UGCG: variants seen among roughly 807,000 people sequenced by gnomAD.
The protein encoded by UGCG is UDP-glucose ceramide glucosyltransferase.
In UGCG, 10 loss-of-function variants were observed where a neutral mutation model predicts 49.5. The observed-to-expected ratio is 0.20, with a 90% confidence interval of 0.12 to 0.34. The LOEUF (loss-of-function observed/expected upper bound fraction) is 0.34. Among genes scored for constraint, UGCG ranks in the 10% least tolerant of loss-of-function variants. UGCG has a pLI of 1.00. For synonymous variants in UGCG, 182 were observed against 158.2 expected (o/e 1.15, Z -1.13); for missense variants, 312 against 483.7 (o/e 0.65, Z 3.33).
Position 111,914,651 on chromosome 9 carries a change from A to G in UGCG, c.145A>G (p.Lys49Glu), listed in dbSNP as rs1838079254. 5.0e-6 allele frequency: 8 copies of G among 1,614,116 alleles called. No individual in the cohort carries two copies. The highest frequency in any genetic ancestry group is 1.1e-5 in the South Asian group (1 of 91,084). ...GGCAACTGACAAACAGCCTTATAGC[A>G]AGCTCCCAGGTGTCTCTCTTCTGAA... is the stretch of plus-strand genomic sequence containing the variant. ...KKATDKQPYS[K>E]LPGVSLLKPL... The change falls in exon 2 of 9, where the codon AAG becomes GAG. Residue 49 changes from lysine to glutamate, a missense_variant. Physicochemically the swap from Lys to Glu is moderately conservative, Grantham distance 56. This residue lies in a region of UGCG where 65 missense variants were observed against 74.7 expected (regional missense o/e 0.87). Transcript: ENST00000374279.
chr9:111,915,707 A>T, intron 2 of UGCG: 1 of 852,782 alleles, frequency 1.2e-6, no homozygotes. Flanking sequence ...TGATATGCGC[A>T]CTACACTTCT....
intron 5 of UGCG, chr9:111,929,247 A>G (rs1040837345): frequency 1.2e-5 from 4 of 337,664 alleles, no homozygotes; most frequent in Admixed American, 9.3e-5. Context: ...AATATTTTAT[A>G]TATCAATGAG....
rs768108986 is a variant in UGCG, at chr9:111,932,934, C to G, written c.1122C>G (p.Ser374Arg). The change falls in exon 9 of 9, where the codon AGC becomes AGG. Residue 374 changes from serine (S) to arginine (R), a missense_variant. This residue lies in a region of UGCG where 180 missense variants were observed against 320.4 expected (regional missense o/e 0.56). Transcript: ENST00000374279. ...CTGCATTATGGGACCCAACTATAAGCTGGAGAACTGGTCGCTACAGATTAC... is the reference window on the plus strand; with the variant it reads ...CTGCATTATGGGACCCAACTATAAGGTGGAGAACTGGTCGCTACAGATTAC... ...FLSALWDPTI[S>R]WRTGRYRLRC... 6.2e-7 allele frequency: 1 copy of G among 1,612,624 alleles called. No individual in the cohort carries two copies. Among genetic ancestry groups the G allele is most frequent in the Non-Finnish European group, 8.5e-7 (1 of 1,179,274 alleles).
chr9:111,931,216 TA>T, intron 6 of UGCG, 54 bp from the exon 7 acceptor site: 1 of 1,552,678 alleles, frequency 6.4e-7, no homozygotes, highest in Non-Finnish European at 8.8e-7. Context: ...CATAACCAGT[TA>T]CGCTTGCATG....
chr9:111,930,177 TGAA>T (rs1376453851), intron 6 of UGCG, among the ~76,000 whole-genome samples: 1 of 152,194 alleles, frequency 6.6e-6, no homozygotes, highest in Admixed American at 6.5e-5. Flanking sequence ...TATGTACTAA[TGAA>T]GAAGGTAAAT....
In UGCG at chr9:111,934,393, A is replaced by G. The variant is rs1004122555; in HGVS notation, c.*1396A>G. 6.6e-6 allele frequency: 1 copy of G among 151,648 alleles called. No individual in the cohort carries two copies. Among genetic ancestry groups the G allele is most frequent in the African/African-American group, 2.4e-5 (1 of 41,320 alleles). The allele number at this position is 151,648 out of a possible 1,614,324, so 9.4% of individuals were successfully genotyped here. On this transcript the variant is annotated 3_prime_UTR_variant, in exon 9 of 9. Transcript: ENST00000374279. ...AAAACAAAAATGTAAGGGACAGTGC[A>G]TAAGCCTTTTCTTTGTTAAGTAGTG...
In UGCG at chr9:111,910,024, G is replaced by C. The variant is rs533923403; in HGVS notation, c.99-4581G>C. On this transcript the variant is annotated intron_variant, in intron 1 of 8. Transcript: ENST00000374279. ...ACAATTCTCTTTATCCATAAACCTA[G>C]AGAGGGCTTTGTGGCTGTTGAGAGA... is the stretch of plus-strand genomic sequence containing the variant. 8.5e-5 allele frequency among the ~76,000 whole-genome samples: 13 copies of C among 152,334 alleles called. No individual in the cohort carries two copies. In the South Asian group the frequency reaches 2.5e-3, roughly 29 times the overall value.
At chr9:111,912,449 C>T (rs2118530819) in intron 1 of UGCG, among the ~76,000 whole-genome samples, 1 of 152,006 alleles carries the variant, frequency 6.6e-6, no homozygotes, top group Non-Finnish European at 1.5e-5. Flanking sequence ...CATGGTGGTG[C>T]ATGCCTGTAA....
chr9:111,899,976 T>TAGA (rs1322376466), intron 1 of UGCG, among the ~76,000 whole-genome samples: 4 of 152,228 alleles, frequency 2.6e-5, no homozygotes, highest in African/African-American at 9.6e-5. Flanking sequence ...TGGCAGATGT[T>TAGA]TGTAGGATTT....
At chr9:111,908,007 A>AT (rs1837919721) in intron 1 of UGCG, among the ~76,000 whole-genome samples, 2 of 135,072 alleles carry the variant, frequency 1.5e-5, no homozygotes, top group Middle Eastern at 8.3e-3. Context: ...TGTCTCCTGT[A>AT]TTTTTTTCTG....
chr9:111,926,517 T>C (rs1838314475), intron 5 of UGCG, 21 bp downstream of exon 5: 7 of 1,569,220 alleles, frequency 4.5e-6, no homozygotes, highest in African/African-American at 1.4e-5. Flanking sequence ...TGGTTATAAA[T>C]CATGTTCATA....
chr9:111,935,138 A>G lies in UGCG; in HGVS notation c.*2141A>G, dbSNP rs1361582506. ...CAGTGTGCTAGTGGAGTATTTCCTT[A>G]ATGTAAAACTTCACTTAACAGAGAG... On this transcript the variant is annotated 3_prime_UTR_variant, in exon 9 of 9. Transcript: ENST00000374279. 6.6e-6 allele frequency: 1 copy of G among 152,168 alleles called. No individual in the cohort carries two copies. Among genetic ancestry groups the G allele is most frequent in the Non-Finnish European group, 1.5e-5 (1 of 68,036 alleles). 9.4% of individuals were successfully genotyped at this position (152,168 alleles called of 1,614,324 possible).
chr9:111,930,317 T>C (rs1291484637), intron 6 of UGCG, among the ~76,000 whole-genome samples: 3 of 152,194 alleles, frequency 2.0e-5, no homozygotes, highest in Non-Finnish European at 2.9e-5. Flanking sequence ...AAACTATCAG[T>C]GCAGTCATAA....
intron 7 of UGCG, 74 bp downstream of exon 7, chr9:111,931,431 A>G (rs1393549605): frequency 2.2e-6 from 3 of 1,344,682 alleles, no homozygotes; most frequent in Middle Eastern, 2.0e-4. Context: ...TTACAGGTTT[A>G]ATGTAGTTAA....
chr9:111,917,338 A>G (rs767826996), intron 2 of UGCG, among the ~76,000 whole-genome samples: 18 of 152,226 alleles, frequency 1.2e-4, no homozygotes, highest in Admixed American at 1.0e-3. Context: ...TACAATGGCA[A>G]ATGTTCCACA....
intron 1 of UGCG, among the ~76,000 whole-genome samples, chr9:111,900,871 T>A (rs958236982): frequency 7.2e-5 from 11 of 152,124 alleles, no homozygotes; most frequent in Non-Finnish European, 1.3e-4. Flanking sequence ...TTTATTGTTA[T>A]TTTTTTGAGA....
At position 111,932,489 on chromosome 9, in the gene UGCG, A is replaced by G. The variant is rs1205343254; in HGVS notation, c.1014+130A>G. 9.1e-6 allele frequency: 9 copies of G among 991,346 alleles called. No individual in the cohort carries two copies. The East Asian group carries it at 1.3e-4, about 15-fold the overall frequency. The allele number at this position is 991,346 out of a possible 1,614,324, so 61.4% of individuals were successfully genotyped here. On this transcript the variant is annotated intron_variant, in intron 8 of 8. Transcript: ENST00000374279. ...CCATTGTAGGTTAGTCTCGGGTTTG[A>G]ACATGACTTTCTCTAGTGGAATGTT...
Position 111,897,350 on chromosome 9 carries a change from G to C in UGCG, c.98+37G>C, listed in dbSNP as rs773036795. ...ACCGCAGGAGGGGCTCGGGGCAGGGGTCCGGGCCTCGGAGACAGGCGAGAA... is the reference window on the plus strand; with the variant it reads ...ACCGCAGGAGGGGCTCGGGGCAGGGCTCCGGGCCTCGGAGACAGGCGAGAA... On this transcript the variant is annotated intron_variant, in intron 1 of 8. Transcript: ENST00000374279. 30 of 1,507,088 alleles carry C rather than the reference G, an allele frequency of 2.0e-5. No homozygotes were observed. In the South Asian group the frequency reaches 2.1e-4, roughly 10 times the overall value. 93.4% of individuals were successfully genotyped at this position (1,507,088 alleles called of 1,614,324 possible). A position where few individuals can be genotyped will look rare whatever the true frequency, so the allele number is the denominator to read the frequency against.
intron 5 of UGCG, among the ~76,000 whole-genome samples, chr9:111,927,740 C>T (rs1051753634): frequency 6.6e-6 from 1 of 152,200 alleles, no homozygotes; most frequent in African/African-American, 2.4e-5. Flanking sequence ...CGTGAGCCAC[C>T]ACGCCCGGCA....
Sources: gnomAD v4.1 joint callset for allele counts (sites outside exome capture counted in the v4.1 genomes callset) on GRCh38, gnomAD v4.1.1 for gene constraint, gnomAD v4.1.1 regional missense constraint, MANE v1.5 for transcripts, NCBI Gene and HGNC (gene_info 2026-07-23, HGNC 2026-07-21) for gene names.